The following LDLRAD3 variants were observed in gnomAD, a reference collection of about 807,000 sequenced individuals.
LDLRAD3 encodes the protein low density lipoprotein receptor class A domain containing 3, also known as low-density lipoprotein receptor class A domain-containing protein 3.
In LDLRAD3, 20 loss-of-function variants were observed where a neutral mutation model predicts 29.4. The observed-to-expected ratio is 0.68, with a 90% confidence interval of 0.48 to 0.99. The LOEUF (loss-of-function observed/expected upper bound fraction) is 0.99, where lower values mean the gene tolerates loss of function less well. Among genes scored for constraint, LDLRAD3 ranks in the 50% least tolerant of loss-of-function variants. LDLRAD3 has a pLI of 0.00. For synonymous variants in LDLRAD3, 157 were observed against 192.7 expected (o/e 0.81, Z 1.53); for missense variants, 420 against 454.3 (o/e 0.92, Z 0.69).
chr11:36,160,824 C>T (rs887886696), intron 4 of LDLRAD3, among the ~76,000 whole-genome samples: 5 of 151,998 alleles, frequency 3.3e-5, no homozygotes, highest in East Asian at 1.9e-4. Context: ...GACAGAGTTT[C>T]GCTCTTGTTG....
intron 1 of LDLRAD3, among the ~76,000 whole-genome samples, chr11:36,023,680 C>T (rs916799411): frequency 2.6e-5 from 4 of 152,100 alleles, no homozygotes; most frequent in African/African-American, 4.8e-5. Context: ...GGGACGATTA[C>T]GAGTCCACAG....
chr11:36,069,027 G>A (rs950674601), intron 2 of LDLRAD3, among the ~76,000 whole-genome samples: 8 of 152,174 alleles, frequency 5.3e-5, no homozygotes, highest in Non-Finnish European at 8.8e-5. Flanking sequence ...CAGTGTGTAC[G>A]TCTGAAACAG....
At position 36,200,298 on chromosome 11, in the gene LDLRAD3, T is replaced by G. The variant is rs1855108375; in HGVS notation, c.455-26787T>G. 2.0e-5 allele frequency among the ~76,000 whole-genome samples: 3 copies of G among 152,202 alleles called. 1 individual carries two copies. Among genetic ancestry groups the G allele is most frequent in the Non-Finnish European group, 4.4e-5 (3 of 68,030 alleles). ...TCCTAGTAAGGGCCCTCCTGGCTTATAGACAGCCAGCTTTTCATGGCGTCC... is the reference window on the plus strand; with the variant it reads ...TCCTAGTAAGGGCCCTCCTGGCTTAGAGACAGCCAGCTTTTCATGGCGTCC... On this transcript the variant is annotated intron_variant, in intron 4 of 5. Coordinates refer to ENST00000315571, the MANE Select transcript of LDLRAD3 (RefSeq NM_174902.4).
At chr11:35,997,497 T>A in intron 1 of LDLRAD3, 1 of 389,134 alleles carries the variant, frequency 2.6e-6, no homozygotes, top group South Asian at 2.3e-5. Flanking sequence ...AATGGTCAGT[T>A]TCACTATAAT....
chr11:35,946,701 C>T (rs1340104537), intron 1 of LDLRAD3, among the ~76,000 whole-genome samples: 1 of 152,170 alleles, frequency 6.6e-6, no homozygotes, highest in Admixed American at 6.5e-5. Flanking sequence ...TTTGCCTAGA[C>T]TTCCTGACAT....
chr11:36,014,482 A>G (rs1565162442), intron 1 of LDLRAD3, among the ~76,000 whole-genome samples: 1 of 152,138 alleles, frequency 6.6e-6, no homozygotes, highest in East Asian at 1.9e-4. Flanking sequence ...ACCTGCAGTG[A>G]TGGTAACGCC....
chr11:36,206,801 A>G (rs1466086419), intron 4 of LDLRAD3, among the ~76,000 whole-genome samples: 1 of 145,324 alleles, frequency 6.9e-6, no homozygotes, highest in Non-Finnish European at 1.5e-5. Context: ...ATCTTGGCTC[A>G]CTTCAACCTC....
chr11:35,953,888 TATG>T (rs1479617643), intron 1 of LDLRAD3, among the ~76,000 whole-genome samples: 1 of 152,164 alleles, frequency 6.6e-6, no homozygotes, highest in African/African-American at 2.4e-5. Flanking sequence ...GATTAAAAAG[TATG>T]ATACTAGCAA....
Position 36,098,467 on chromosome 11 carries a change from A to G in LDLRAD3, c.454+6A>G. 1.9e-6 allele frequency: 3 copies of G among 1,614,176 alleles called. No individual in the cohort carries two copies. The highest frequency in any genetic ancestry group is 2.5e-6 in the Non-Finnish European group (3 of 1,180,002). On this transcript the variant is annotated splice_donor_region_variant and intron_variant, in intron 4 of 5. Transcript: ENST00000315571. ...AAGCTGTGAAAGTTCTCAAGGTAGGAACCTCTCAAGCTCTAAAAAGATAAT... is the reference window on the plus strand; with the variant it reads ...AAGCTGTGAAAGTTCTCAAGGTAGGGACCTCTCAAGCTCTAAAAAGATAAT...
chr11:35,980,810 A>C (rs903405985), intron 1 of LDLRAD3, among the ~76,000 whole-genome samples: 5 of 152,234 alleles, frequency 3.3e-5, no homozygotes, highest in African/African-American at 9.6e-5. Flanking sequence ...GTTGCCTTGC[A>C]GATGTGTTTT....
At chr11:35,956,511 C>T (rs1851202508) in intron 1 of LDLRAD3, among the ~76,000 whole-genome samples, 1 of 152,128 alleles carries the variant, frequency 6.6e-6, no homozygotes. Context: ...GATACATGTG[C>T]ATATTAAAGT....
intron 4 of LDLRAD3, among the ~76,000 whole-genome samples, chr11:36,209,536 T>C (rs1855255598): frequency 2.0e-5 from 3 of 152,014 alleles, no homozygotes; most frequent in Admixed American, 2.0e-4. Flanking sequence ...ATTTTTGTAT[T>C]TTTAGTAGAG....
chr11:36,035,918 C>G (rs1852297583), intron 1 of LDLRAD3, among the ~76,000 whole-genome samples, 185 bp from the exon 2 acceptor site: 1 of 152,186 alleles, frequency 6.6e-6, no homozygotes, highest in Non-Finnish European at 1.5e-5. Context: ...TTAGTCCTCT[C>G]AGAATCTCTG....
chr11:36,141,502 T>C (rs1415258461), intron 4 of LDLRAD3, among the ~76,000 whole-genome samples: 2 of 152,126 alleles, frequency 1.3e-5, no homozygotes, highest in Non-Finnish European at 2.9e-5. Flanking sequence ...GCCCCATCCC[T>C]GTCCTGAGGT....
intron 1 of LDLRAD3, among the ~76,000 whole-genome samples, chr11:35,950,790 A>T (rs1200204142): frequency 6.6e-6 from 1 of 152,170 alleles, no homozygotes; most frequent in East Asian, 1.9e-4. Context: ...CACTGCAAAA[A>T]TAATACACGG....
intron 4 of LDLRAD3, among the ~76,000 whole-genome samples, chr11:36,148,592 G>A (rs1854231678): frequency 6.6e-6 from 1 of 152,124 alleles, no homozygotes; most frequent in African/African-American, 2.4e-5. Context: ...AGGAGGTTTG[G>A]GTGGGAATCT....
chr11:36,190,055 C>T (rs1854917589), intron 4 of LDLRAD3, among the ~76,000 whole-genome samples: 1 of 133,864 alleles, frequency 7.5e-6, no homozygotes, highest in African/African-American at 2.9e-5. Flanking sequence ...ACAGAACACT[C>T]ACACATCTAG....
chr11:35,986,333 C>T (rs925426781), intron 1 of LDLRAD3, among the ~76,000 whole-genome samples: 4 of 152,154 alleles, frequency 2.6e-5, no homozygotes, highest in Non-Finnish European at 4.4e-5. Context: ...GAAATGTGAA[C>T]AGAACTTGTA....
At chr11:36,025,230 T>C (rs546009561) in intron 1 of LDLRAD3, among the ~76,000 whole-genome samples, 54 of 152,296 alleles carry the variant, frequency 3.5e-4, no homozygotes, top group Admixed American at 7.8e-4. Context: ...GGGTTTTTTT[T>C]CCTAAAATAT....
Sources: gnomAD v4.1 joint callset for allele counts (sites outside exome capture counted in the v4.1 genomes callset) on GRCh38, gnomAD v4.1.1 for gene constraint, MANE v1.5 for transcripts, NCBI Gene and HGNC (gene_info 2026-07-23, HGNC 2026-07-21) for gene names.